Variants in GREB1 observed in about 807,000 individuals in gnomAD.
The protein encoded by GREB1 is protein GREB1.
GREB1 carries 106 observed loss-of-function variants against 200.7 expected under a neutral mutation model. The ratio of observed to expected loss-of-function variants is 0.53; its 90% CI spans 0.45 to 0.62. The LOEUF (loss-of-function observed/expected upper bound fraction) is 0.62. GREB1 is among the 20% of genes least tolerant of loss of function. GREB1 has a pLI of 0.00. For synonymous variants in GREB1, 1,132 were observed against 1,092.4 expected, an observed-to-expected ratio of 1.04 and a Z score of -0.72; for missense variants, 2,243 against 2,556.8, an observed-to-expected ratio of 0.88 and a Z score of 2.65.
chr2:11,508,173 C>T (rs1486926191), intron 1 of GREB1, among the ~76,000 whole-genome samples: 1 of 152,188 alleles, frequency 6.6e-6, no homozygotes, highest in East Asian at 1.9e-4. Flanking sequence ...TTCAGCCTCT[C>T]CCCACTGTGG....
At chr2:11,605,144 CTT>C (rs3035991) in intron 17 of GREB1, among the ~76,000 whole-genome samples, 484 of 44,696 alleles carry the variant, frequency 0.011, no homozygotes, top group African/African-American at 0.026. Context: ...GAGCCTGCTT[CTT>C]TTTTTTTTTT....
intron 1 of GREB1, among the ~76,000 whole-genome samples, chr2:11,504,910 G>C (rs951176537): frequency 2.0e-5 from 3 of 152,154 alleles, no homozygotes; most frequent in East Asian, 3.9e-4. Flanking sequence ...TGCAAGATAG[G>C]TGTGATCACA....
chr2:11,581,364 A>T (rs1679459521), intron 7 of GREB1: 3 of 241,100 alleles, frequency 1.2e-5, no homozygotes, highest in Non-Finnish European at 7.9e-6. Context: ...GGCTGTTCTC[A>T]TCCAAATCAG....
chr2:11,597,328 G>A lies in GREB1; in HGVS notation c.1955-453G>A, dbSNP rs114358984. ...TTGCACATCCATCACTGTCTCTGAG[G>A]TGATAGATTTTTCTATGCCAATTTC... On this transcript the variant is annotated intron_variant, in intron 13 of 32. Coordinates refer to ENST00000381486, the MANE Select transcript of GREB1 (RefSeq NM_014668.4). The surrounding 1 kb of genome is among the most constrained non-coding windows in gnomAD (Gnocchi z 4.1). Among the ~76,000 whole-genome samples the A allele has an allele frequency of 0.02, 2,996 of 152,210 alleles. 96 individuals carry two copies. The highest frequency in any genetic ancestry group is 0.064 in the African/African-American group (2,642 of 41,488).
At chr2:11,516,915 G>T (rs972804254) in intron 1 of GREB1, among the ~76,000 whole-genome samples, 1 of 152,220 alleles carries the variant, frequency 6.6e-6, no homozygotes, top group East Asian at 1.9e-4. Flanking sequence ...GCAGTGGGGT[G>T]GCGAGGGCTG....
chr2:11,517,720 C>T lies in GREB1; in HGVS notation c.-159+35339C>T, dbSNP rs182668683. 3.6e-3 allele frequency among the ~76,000 whole-genome samples: 545 copies of T among 152,226 alleles called. 1 individual carries two copies. The highest frequency in any genetic ancestry group is 5.9e-3 in the Non-Finnish European group (403 of 67,998). Reference sequence around the variant, plus strand: ...AGGCTGGAGTGCAGTGGTGCCATCTCGGCTCACTGCAAGCTCCGCCTCCCG... The same window carrying T: ...AGGCTGGAGTGCAGTGGTGCCATCTTGGCTCACTGCAAGCTCCGCCTCCCG... On this transcript the variant is annotated intron_variant, in intron 1 of 2. Coordinates refer to the GREB1 transcript ENST00000628795.
chr2:11,640,443 C>T lies in GREB1; in HGVS notation c.5839C>T (p.Arg1947Ter), dbSNP rs769237746. The part of the protein sequence containing the change: ...EDRPLFFLTG[R>*]HI ...CCGGCCGCTCTTTTTTCTGACGGGA[C>T]GACACATCTGAGGAAGACAGCGGCG... The change falls in exon 33 of 33, where the codon CGA becomes TGA. Residue 1947 changes from arginine to a stop codon, truncating the protein, a stop_gained. Coordinates refer to ENST00000381486, the MANE Select transcript of GREB1 (RefSeq NM_014668.4). LOFTEE classifies it high-confidence loss of function. The surrounding 1 kb of genome is among the most constrained non-coding windows in gnomAD (Gnocchi z 4.6). 2 of 1,614,048 alleles carry T rather than the reference C, an allele frequency of 1.2e-6. No individual in the cohort carries two copies.
At chr2:11,555,049 C>T (rs1676299094) in intron 1 of GREB1, among the ~76,000 whole-genome samples, 1 of 152,080 alleles carries the variant, frequency 6.6e-6, no homozygotes, top group African/African-American at 2.4e-5. Flanking sequence ...AAACCTTGTA[C>T]CATAGCAAAG....
chr2:11,610,853 C>T lies in GREB1; in HGVS notation c.2832C>T (p.Cys944=), dbSNP rs182841070. ...NLLNSPKQCP[C]GHGLMVLLRV... is the part of the protein sequence containing the mutation. Reference sequence around the variant, plus strand: ...TCAACTCCCCGAAGCAGTGCCCCTGCGGCCACGGGCTCATGGTCCTGCTGC... The same window carrying T: ...TCAACTCCCCGAAGCAGTGCCCCTGTGGCCACGGGCTCATGGTCCTGCTGC... Residue 944 remains cysteine, a synonymous_variant, in exon 18 of 33, where the codon TGC becomes TGT. Transcript: ENST00000381486. 4.2e-4 allele frequency: 677 copies of T among 1,613,360 alleles called. 3 individuals carry two copies. In the African/African-American group the frequency reaches 7.9e-3, roughly 19 times the overall value.
intron 1 of GREB1, among the ~76,000 whole-genome samples, chr2:11,516,500 G>C (rs1673505998): frequency 6.6e-6 from 1 of 152,072 alleles, no homozygotes; most frequent in African/African-American, 2.4e-5. Context: ...CATCACCCAG[G>C]GGCTTCAAAC....
intron 9 of GREB1, among the ~76,000 whole-genome samples, chr2:11,586,783 A>T (rs910204417): frequency 5.9e-5 from 9 of 152,248 alleles, no homozygotes; most frequent in Non-Finnish European, 1.0e-4. Context: ...TGGACGGGGT[A>T]TTCAGGAAGT....
chr2:11,620,441 G>A (rs1164556369), intron 22 of GREB1, among the ~76,000 whole-genome samples: 2 of 152,180 alleles, frequency 1.3e-5, no homozygotes, highest in East Asian at 3.8e-4. Flanking sequence ...GGAGAAGGAA[G>A]AAGAAGAAAG....
rs139702236 is a variant in GREB1, at chr2:11,615,976, C to T, written c.3323-655C>T. ...GGACCTCTCTTAGCCTCAGCTTGCT[C>T]GTCTGTAAAATGTAGATGGAAAGGC... On this transcript the variant is annotated intron_variant, in intron 20 of 32. Transcript: ENST00000381486. Among the ~76,000 whole-genome samples the T allele has an allele frequency of 5.7e-3, 868 of 152,302 alleles. 11 individuals carry two copies. Among genetic ancestry groups the T allele is most frequent in the African/African-American group, 0.019 (802 of 41,562 alleles).
intron 1 of GREB1, among the ~76,000 whole-genome samples, chr2:11,538,994 C>T (rs1314660510): frequency 8.7e-6 from 1 of 114,974 alleles, no homozygotes; most frequent in Non-Finnish European, 1.8e-5. Context: ...CTCCTCTCTT[C>T]TCCTCCTTTC....
rs75957136 is a variant in GREB1 at position 11,510,627 on chromosome 2, A to G, written c.-159+28246A>G. Among the ~76,000 whole-genome samples, 146 of 151,806 alleles carry G rather than the reference A, an allele frequency of 9.6e-4. 4 individuals are homozygous for G. In the East Asian group the frequency reaches 0.027, roughly 28 times the overall value. ...CAGGATAATGAGTTCATTTCCTCGC[A>G]TCCTCCAAAGCTGACCCAGTGTTAG... On this transcript the variant is annotated intron_variant, in intron 1 of 2. Transcript: ENST00000628795.
At chr2:11,525,537 C>G (rs954894436) in intron 1 of GREB1, among the ~76,000 whole-genome samples, 7 of 148,824 alleles carry the variant, frequency 4.7e-5, no homozygotes, top group Non-Finnish European at 8.9e-5. Flanking sequence ...GTCATATTCT[C>G]TTTCCTTTTG....
intron 1 of GREB1, among the ~76,000 whole-genome samples, chr2:11,498,687 C>G (rs1398159217): frequency 2.0e-5 from 3 of 152,162 alleles, no homozygotes; most frequent in Non-Finnish European, 2.9e-5. Context: ...GCCTGCCTGC[C>G]TGGGGAGAGG....
At chr2:11,591,868 G>C in intron 10 of GREB1, 1 of 254,218 alleles carries the variant, frequency 3.9e-6, no homozygotes, top group Non-Finnish European at 6.3e-6. Context: ...TATGTTGGCT[G>C]AAAATGGCAC....
chr2:11,623,813 C>T (rs1434885009), intron 23 of GREB1, among the ~76,000 whole-genome samples: 39 of 152,126 alleles, frequency 2.6e-4, no homozygotes, highest in African/African-American at 8.2e-4. Context: ...CGCTTGAACC[C>T]GGGAGGCGGA....
Sources: allele counts gnomAD v4.1 joint callset (sites outside exome capture counted in the v4.1 genomes callset), GRCh38; gene constraint gnomAD v4.1.1; non-coding constraint Gnocchi (gnomAD v3.1); transcripts MANE v1.5; gene names NCBI Gene and HGNC (gene_info 2026-07-23, HGNC 2026-07-21).